SLC16A2: variants seen among roughly 807,000 people sequenced by gnomAD.
The protein encoded by SLC16A2 is solute carrier family 16 member 2, also known as monocarboxylate transporter 8.
In SLC16A2, 3 loss-of-function variants were observed where a neutral mutation model predicts 27.2. The ratio of observed to expected loss-of-function variants is 0.11; its 90% confidence interval spans 0.05 to 0.28. The LOEUF is 0.28. SLC16A2 is among the 10% of genes least tolerant of loss of function. The pLI is 1.00. For missense variants in SLC16A2, 295 were observed against 458.5 expected, an observed-to-expected ratio of 0.64 and a Z score of 3.26; for synonymous variants, 202 against 187.8, an observed-to-expected ratio of 1.08 and a Z score of -0.62.
At chrX:74,470,112 C>T (rs1280523723) in intron 1 of SLC16A2, among the ~76,000 whole-genome samples, 1 of 111,621 alleles carries the variant, frequency 9.0e-6, no homozygotes, top group Non-Finnish European at 1.9e-5. Flanking sequence ...TAATAATATG[C>T]ACTTAAGATT....
chrX:74,473,533 G>A (rs1476766951), intron 1 of SLC16A2: 11 of 658,001 alleles, frequency 1.7e-5, no homozygotes, highest in Admixed American at 6.7e-5. Context: ...TGCCTCAGTC[G>A]GTCATGATTT....
chrX:74,463,119 G>A (rs999934127), intron 1 of SLC16A2, among the ~76,000 whole-genome samples: 1 of 111,571 alleles, frequency 9.0e-6, no homozygotes, highest in Non-Finnish European at 1.9e-5. Context: ...TACTGCAGAG[G>A]GAGAGGATGG....
At chrX:74,468,238 C>T (rs577540758) in intron 1 of SLC16A2, among the ~76,000 whole-genome samples, 8 of 111,481 alleles carry the variant, frequency 7.2e-5, no homozygotes, top group African/African-American at 2.3e-4. Flanking sequence ...GAAACATGTA[C>T]GCTTTAGGCA....
At chrX:74,483,334 A>C (rs1030216168) in intron 1 of SLC16A2, among the ~76,000 whole-genome samples, 2 of 111,564 alleles carry the variant, frequency 1.8e-5, no homozygotes, top group Non-Finnish European at 3.8e-5. Flanking sequence ...CTGGGAAATA[A>C]ATTTTTCCAC....
At chrX:74,453,083 T>A (rs2147846150) in intron 1 of SLC16A2, among the ~76,000 whole-genome samples, 1 of 107,137 alleles carries the variant, frequency 9.3e-6, no homozygotes, top group Admixed American at 1.0e-4. Flanking sequence ...GGTCTCGCTC[T>A]GCCACCCAGG....
At chrX:74,479,471 T>C (rs1311185042) in intron 1 of SLC16A2, among the ~76,000 whole-genome samples, 1 of 112,366 alleles carries the variant, frequency 8.9e-6, no homozygotes, top group Non-Finnish European at 1.9e-5. Flanking sequence ...TCTGAAGGCT[T>C]CTTCTCTCAA....
chrX:74,469,628 A>C (rs517019), intron 1 of SLC16A2, among the ~76,000 whole-genome samples: 39,795 of 109,947 alleles, frequency 0.36, 7,654 homozygotes, highest in East Asian at 0.86. Context: ...TCTTCTTTAA[A>C]GAAATGTCTA....
chrX:74,512,594 T>C (rs1310460544), intron 1 of SLC16A2, among the ~76,000 whole-genome samples: 1 of 112,302 alleles, frequency 8.9e-6, no homozygotes. Context: ...TTTGGAGAGT[T>C]TGGCTCTTGG....
chrX:74,482,847 G>A (rs1205596800), intron 1 of SLC16A2, among the ~76,000 whole-genome samples: 1 of 110,535 alleles, frequency 9.0e-6, no homozygotes, highest in Non-Finnish European at 1.9e-5. Flanking sequence ...ACAGCCATCT[G>A]CCACCACAAA....
intron 1 of SLC16A2, among the ~76,000 whole-genome samples, chrX:74,450,078 A>C (rs1928911395): frequency 8.9e-6 from 1 of 112,009 alleles, no homozygotes; most frequent in Non-Finnish European, 1.9e-5. Flanking sequence ...TAGATAATTT[A>C]AGCAAAACTC....
intron 1 of SLC16A2, among the ~76,000 whole-genome samples, chrX:74,452,607 A>G (rs1402961417): frequency 2.7e-5 from 3 of 111,840 alleles, no homozygotes; most frequent in African/African-American, 9.7e-5. Flanking sequence ...TTTTAAATAT[A>G]TATCAGTTAT....
intron 1 of SLC16A2, among the ~76,000 whole-genome samples, chrX:74,477,701 C>T (rs1046181425): frequency 9.0e-6 from 1 of 111,600 alleles, no homozygotes; most frequent in African/African-American, 3.3e-5. Context: ...CATTGGTTTC[C>T]AAGAACATCT....
At chrX:74,485,161 A>T (rs897888949) in intron 1 of SLC16A2, among the ~76,000 whole-genome samples, 12 of 105,460 alleles carry the variant, frequency 1.1e-4, no homozygotes, top group African/African-American at 3.8e-4. Context: ...GGTTGCAGTG[A>T]GTTGAGATCG....
intron 1 of SLC16A2, among the ~76,000 whole-genome samples, chrX:74,481,506 G>T (rs1488135129): frequency 1.8e-5 from 2 of 110,492 alleles, no homozygotes; most frequent in African/African-American, 6.6e-5. Context: ...ACTGTTCATA[G>T]TATTTCTTTA....
intron 1 of SLC16A2, among the ~76,000 whole-genome samples, chrX:74,508,196 T>G (rs1366572177): frequency 2.7e-5 from 3 of 112,248 alleles, no homozygotes; most frequent in Non-Finnish European, 5.6e-5. Context: ...TTCTCAATTC[T>G]ATGTTCTTTT....
chrX:74,511,327 A>G (rs762462920), intron 1 of SLC16A2, among the ~76,000 whole-genome samples: 290 of 110,079 alleles, frequency 2.6e-3, no homozygotes, highest in African/African-American at 8.9e-3. Context: ...GACTATAGGC[A>G]CCCGCCACCG....
At chrX:74,436,284 G>A (rs1309707608) in intron 1 of SLC16A2, among the ~76,000 whole-genome samples, 2 of 111,761 alleles carry the variant, frequency 1.8e-5, no homozygotes, top group Non-Finnish European at 3.8e-5. Context: ...ATTGTAATAT[G>A]CTGAGTCAAT....
intron 1 of SLC16A2, among the ~76,000 whole-genome samples, chrX:74,436,288 A>C (rs1370025294): frequency 8.9e-6 from 1 of 111,761 alleles, no homozygotes; most frequent in Non-Finnish European, 1.9e-5. Flanking sequence ...TAATATGCTG[A>C]GTCAATATCT....
intron 1 of SLC16A2, among the ~76,000 whole-genome samples, chrX:74,502,745 C>G (rs1602134531): frequency 8.9e-6 from 1 of 111,907 alleles, no homozygotes; most frequent in African/African-American, 3.3e-5. Flanking sequence ...CCTTCTCCTG[C>G]TCTTCCTGTT....
Sources: allele counts gnomAD v4.1 joint callset (sites outside exome capture counted in the v4.1 genomes callset), GRCh38; gene constraint gnomAD v4.1.1; transcripts MANE v1.5; gene names NCBI Gene and HGNC (gene_info 2026-07-23, HGNC 2026-07-21).